Variants in NAT1 observed in about 807,000 individuals in gnomAD.
NAT1 encodes the protein arylamine N-acetyltransferase 1.
For missense variants in NAT1, 400 were observed against 339.2 expected, an observed-to-expected ratio of 1.18 and a Z score of -1.41; for synonymous variants, 144 against 122.6, an observed-to-expected ratio of 1.17 and a Z score of -1.16.
chr8:18,216,983 C>T (rs747743180), intron 1 of NAT1: 9 of 1,550,314 alleles, frequency 5.8e-6, no homozygotes, highest in Non-Finnish European at 7.9e-6. Context: ...CTGATGATCA[C>T]CATGTTTCTG....
intron 2 of NAT1, among the ~76,000 whole-genome samples, chr8:18,185,854 T>C (rs1802711145): frequency 6.6e-6 from 1 of 152,202 alleles, no homozygotes; most frequent in Admixed American, 6.5e-5. Context: ...TGTTACATTT[T>C]GTTATACTTT....
At chr8:18,177,908 G>C (rs902456731) in intron 2 of NAT1, among the ~76,000 whole-genome samples, 2 of 152,018 alleles carry the variant, frequency 1.3e-5, no homozygotes, top group African/African-American at 4.8e-5. Flanking sequence ...CCAGTTTTGA[G>C]GTTATCTTAG....
chr8:18,193,212 G>T (rs1433203803), intron 2 of NAT1, among the ~76,000 whole-genome samples: 2 of 149,426 alleles, frequency 1.3e-5, no homozygotes, highest in African/African-American at 4.9e-5. Context: ...CAAGTAGGTA[G>T]CACCACAGGT....
rs1051864487 is a variant in NAT1 at position 18,219,455 on chromosome 8, C to T, written c.-41C>T. Reference sequence around the variant, plus strand: ...CAGCAATCTGTCTTCTGGATTAAAACTGAAGATCAACCTACTTTCAACTTA... The same window carrying T: ...CAGCAATCTGTCTTCTGGATTAAAATTGAAGATCAACCTACTTTCAACTTA... On this transcript the variant is annotated 5_prime_UTR_variant, in exon 2 of 3. Coordinates refer to ENST00000307719, the MANE Select transcript of NAT1 (RefSeq NM_000662.8). 6.4e-6 allele frequency: 10 copies of T among 1,550,592 alleles called. No individual in the cohort carries two copies. Among genetic ancestry groups the T allele is most frequent in the African/African-American group, 5.5e-5 (4 of 73,006 alleles).
chr8:18,183,544 C>T (rs1802606144), intron 2 of NAT1, among the ~76,000 whole-genome samples: 1 of 152,072 alleles, frequency 6.6e-6, no homozygotes, highest in Admixed American at 6.6e-5. Context: ...TCTTAAAGGC[C>T]ATTAGAGATA....
At chr8:18,186,549 T>A (rs1443588528) in intron 2 of NAT1, among the ~76,000 whole-genome samples, 1 of 152,236 alleles carries the variant, frequency 6.6e-6, no homozygotes, top group Non-Finnish European at 1.5e-5. Context: ...ATTTATTTTG[T>A]AAATGCTTTA....
chr8:18,180,074 A>G (rs532665284), intron 2 of NAT1, among the ~76,000 whole-genome samples: 3 of 152,116 alleles, frequency 2.0e-5, no homozygotes, highest in Non-Finnish European at 4.4e-5. Flanking sequence ...GTACTGAGGC[A>G]TGAAAGACAA....
At chr8:18,174,461 A>G (rs1802212979) in intron 2 of NAT1, among the ~76,000 whole-genome samples, 1 of 152,122 alleles carries the variant, frequency 6.6e-6, no homozygotes, top group Admixed American at 6.6e-5. Context: ...ACCTTCATAA[A>G]GATATTCAAG....
At chr8:18,189,849 G>T (rs574814907) in intron 2 of NAT1, among the ~76,000 whole-genome samples, 1 of 152,274 alleles carries the variant, frequency 6.6e-6, no homozygotes, top group African/African-American at 2.4e-5. Flanking sequence ...GAGTGCAATG[G>T]CATGATCTTG....
intron 2 of NAT1, among the ~76,000 whole-genome samples, chr8:18,197,998 A>G (rs1803306281): frequency 6.6e-6 from 1 of 152,154 alleles, no homozygotes; most frequent in Admixed American, 6.5e-5. Context: ...ATTTAGAAAG[A>G]ATATACTTAC....
At chr8:18,221,897 A>G in intron 2 of NAT1, 145 bp from the exon 3 acceptor site, 1 of 846,764 alleles carries the variant, frequency 1.2e-6, no homozygotes, top group East Asian at 2.7e-5. Context: ...GTGTAAAAGG[A>G]ATTCATACAA....
intron 1 of NAT1, among the ~76,000 whole-genome samples, chr8:18,218,269 A>G (rs1479866664): frequency 6.6e-6 from 1 of 152,122 alleles, no homozygotes; most frequent in African/African-American, 2.4e-5. Flanking sequence ...CCTGGCCCCA[A>G]TTCTAAAAAA....
intron 2 of NAT1, among the ~76,000 whole-genome samples, chr8:18,174,536 A>G (rs1802215321): frequency 6.6e-6 from 1 of 152,142 alleles, no homozygotes; most frequent in East Asian, 1.9e-4. Context: ...TTAAAAACAC[A>G]TACAGAAAAG....
chr8:18,188,370 T>C (rs1034958120), intron 2 of NAT1, among the ~76,000 whole-genome samples: 3 of 152,226 alleles, frequency 2.0e-5, no homozygotes, highest in Non-Finnish European at 2.9e-5. Context: ...TTGACTTTTA[T>C]CAAGGTAAAA....
intron 2 of NAT1, chr8:18,201,142 A>C (rs1803445239): frequency 6.6e-6 from 1 of 152,218 alleles, no homozygotes; most frequent in Non-Finnish European, 1.5e-5. Context: ...TGAGATCGGT[A>C]AATTATTATT....
intron 2 of NAT1, among the ~76,000 whole-genome samples, chr8:18,203,421 G>A (rs1803562148): frequency 6.6e-6 from 1 of 152,144 alleles, no homozygotes; most frequent in East Asian, 1.9e-4. Context: ...TAGATCTACT[G>A]GTAAGATAAG....
At chr8:18,197,830 A>G (rs1174969150) in intron 2 of NAT1, among the ~76,000 whole-genome samples, 2 of 151,700 alleles carry the variant, frequency 1.3e-5, no homozygotes, top group Admixed American at 6.6e-5. Flanking sequence ...CCTGGTTCTG[A>G]CCAATAAGAC....
intron 2 of NAT1, among the ~76,000 whole-genome samples, chr8:18,177,767 C>T (rs968248636): frequency 5.9e-5 from 9 of 152,106 alleles, no homozygotes; most frequent in African/African-American, 9.7e-5. Context: ...TTTTAGATTA[C>T]GCAGGTTGCA....
intron 2 of NAT1, among the ~76,000 whole-genome samples, chr8:18,188,928 G>A (rs1802856746): frequency 6.9e-6 from 1 of 144,800 alleles, no homozygotes; most frequent in Admixed American, 7.2e-5. Flanking sequence ...CCGAGAGGTG[G>A]AGACTGCAGT....
Sources: gnomAD v4.1 joint callset for allele counts (sites outside exome capture counted in the v4.1 genomes callset) on GRCh38, gnomAD v4.1.1 for gene constraint, MANE v1.5 for transcripts, NCBI Gene and HGNC (gene_info 2026-07-23, HGNC 2026-07-21) for gene names.